The following CEP104 variants were observed in gnomAD, a reference collection of about 807,000 sequenced individuals.
CEP104 encodes the protein centrosomal protein 104.
Under a neutral mutation model 113.3 loss-of-function variants are expected in CEP104, and 84 were observed. The ratio of observed to expected loss-of-function variants is 0.74; its 90% CI spans 0.62 to 0.89. The LOEUF is 0.89. Ranked by LOEUF, CEP104 falls within the 40% of genes least tolerant of loss-of-function variation. The probability of loss-of-function intolerance (pLI) is 0.00; values close to 1 mark genes in which losing one functional copy is unlikely to be tolerated. For missense variants in CEP104, 1,053 were observed against 1,156.6 expected (o/e 0.91, Z 1.30); for synonymous variants, 378 against 421.7 (o/e 0.90, Z 1.27).
At position 3,847,625 on chromosome 1, in the gene CEP104, A is replaced by G. The variant is rs752372721; in HGVS notation, c.288-12T>C. ...AGAGAGACACGTAGCTGAAAAACAAAACACAACTGAAGAATTTGAAAATGT... is the reference window on the plus strand; with the variant it reads ...AGAGAGACACGTAGCTGAAAAACAAGACACAACTGAAGAATTTGAAAATGT... On this transcript the variant is annotated splice_polypyrimidine_tract_variant and intron_variant, in intron 3 of 21. Coordinates refer to ENST00000378230, the MANE Select transcript of CEP104 (RefSeq NM_014704.4). 5.0e-6 allele frequency: 8 copies of G among 1,613,944 alleles called. No individual in the cohort carries two copies. The highest frequency in any genetic ancestry group is 6.8e-6 in the Non-Finnish European group (8 of 1,179,988).
At chr1:3,845,408 C>T in intron 4 of CEP104, 57 bp from the exon 5 acceptor site, 1 of 1,259,986 alleles carries the variant, frequency 7.9e-7, no homozygotes, top group South Asian at 1.2e-5. Flanking sequence ...TGACTTAACC[C>T]TTTTATTTAC....
intron 1 of CEP104, among the ~76,000 whole-genome samples, chr1:3,854,371 T>A (rs1223638817): frequency 1.3e-5 from 2 of 152,194 alleles, no homozygotes; most frequent in East Asian, 1.9e-4. Context: ...AACTCTCCCC[T>A]GACCCTCACT....
At chr1:3,816,455 A>T in intron 20 of CEP104, 85 bp from the exon 21 acceptor site, 1 of 1,182,664 alleles carries the variant, frequency 8.5e-7, no homozygotes. Context: ...TCGCTGTGTA[A>T]GCTGAAAACG....
intron 12 of CEP104, among the ~76,000 whole-genome samples, chr1:3,832,502 GTAGTGTAGGT>G (rs879910374): frequency 0.11 from 12,214 of 111,958 alleles, 2,262 homozygotes; most frequent in Middle Eastern, 0.17. Context: ...GACCAGGAGT[GTAGTGTAGGT>G]CGTGACCAGG....
intron 20 of CEP104, among the ~76,000 whole-genome samples, chr1:3,820,250 A>T (rs771409741): frequency 5.1e-4 from 77 of 152,306 alleles, no homozygotes; most frequent in Middle Eastern, 3.4e-3. Flanking sequence ...GGAGAATGTG[A>T]GTACTGCTCC....
rs1046261355 is a variant in CEP104 at position 3,815,052 on chromosome 1, C to G, written c.*350G>C. On this transcript the variant is annotated 3_prime_UTR_variant, in exon 22 of 22. Transcript: ENST00000378230. ...CTCCAAGCACTAAGGAAAGCGGGAC[C>G]GTGCCTGTGCTGACCGTGGCCTTGC... 1.7e-5 allele frequency: 4 copies of G among 233,252 alleles called. No individual in the cohort carries two copies. Among genetic ancestry groups the G allele is most frequent in the South Asian group, 1.5e-4 (2 of 13,614 alleles). 14.4% of individuals were successfully genotyped at this position (233,252 alleles called of 1,614,324 possible).
At position 3,836,962 on chromosome 1, in the gene CEP104, G is replaced by A. The variant is rs549642619; in HGVS notation, c.1120-270C>T. ...ATTCCACCTCAATGACTGTTTACTG[G>A]TAGCAATTTCAGTTCAACTGACATG... On this transcript the variant is annotated intron_variant, in intron 9 of 21. Coordinates refer to ENST00000378230, the MANE Select transcript of CEP104 (RefSeq NM_014704.4). The A allele has an allele frequency of 9.6e-5, 49 of 508,902 alleles. No homozygotes were observed. The East Asian group carries it at 1.5e-3, about 16-fold the overall frequency. The allele number at this position is 508,902 out of a possible 1,614,324, so 31.5% of individuals were successfully genotyped here.
intron 20 of CEP104, among the ~76,000 whole-genome samples, chr1:3,818,793 G>T (rs953889097): frequency 6.6e-6 from 1 of 152,190 alleles, no homozygotes; most frequent in African/African-American, 2.4e-5. Flanking sequence ...TGTTCACGAT[G>T]CTTAACTCCA....
chr1:3,851,787 C>T (rs1644615761), intron 2 of CEP104, among the ~76,000 whole-genome samples: 2 of 152,226 alleles, frequency 1.3e-5, no homozygotes, highest in African/African-American at 4.8e-5. Context: ...GTAGCTGGGA[C>T]TGCAGGCGGG....
At position 3,839,195 on chromosome 1, in the gene CEP104, T is replaced by C. The variant is rs1173798130; in HGVS notation, c.736-76A>G. On this transcript the variant is annotated intron_variant, in intron 7 of 21. Coordinates refer to ENST00000378230, the MANE Select transcript of CEP104 (RefSeq NM_014704.4). ...CAAATGCAAAGCTAATTTTTAAGAA[T>C]CACGCGTGAACCGTCTTGCAAGGAG... 10 of 1,323,982 alleles carry C rather than the reference T, an allele frequency of 7.6e-6. No homozygotes were observed. In the South Asian group the frequency reaches 1.1e-4, roughly 14 times the overall value. 82.0% of individuals were successfully genotyped at this position (1,323,982 alleles called of 1,614,324 possible).
rs780693566 is a variant in CEP104 at position 3,831,115 on chromosome 1, G to A, written c.1767C>T (p.Gly589=). The change falls in exon 13 of 22, where the codon GGC becomes GGT. Residue 589 remains glycine (G), a synonymous_variant. Transcript: ENST00000378230. ...SSVHLAMSQM[G]LLARLLKDLG... ...GGTCTTTCAGCAGCCGGGCCAGGAG[G>A]CCCATCTGACTCATTGCCAGGTGAA... The A allele has an allele frequency of 4.3e-6, 7 of 1,614,220 alleles. No individual in the cohort carries two copies. The South Asian group carries it at 4.4e-5, about 10-fold the overall frequency.
Position 3,845,113 on chromosome 1 carries a change from T to C in CEP104, c.490-130A>G, listed in dbSNP as rs138737177. 1,405 of 887,402 alleles carry C rather than the reference T, an allele frequency of 1.6e-3. 22 individuals carry two copies. The African/African-American group carries it at 0.017, about 11-fold the overall frequency. 55.0% of individuals were successfully genotyped at this position (887,402 alleles called of 1,614,324 possible). ...GATCCTCATCTTTTGGAGAGACAGCTAAAACTGTTAAAGAAAAGTTTCATA... is the reference window on the plus strand; with the variant it reads ...GATCCTCATCTTTTGGAGAGACAGCCAAAACTGTTAAAGAAAAGTTTCATA... On this transcript the variant is annotated intron_variant, in intron 5 of 21. Coordinates refer to ENST00000378230, the MANE Select transcript of CEP104 (RefSeq NM_014704.4).
chr1:3,838,896 G>A, intron 8 of CEP104, 68 bp downstream of exon 8: 1 of 1,536,304 alleles, frequency 6.5e-7, no homozygotes. Flanking sequence ...ATCCACTGTT[G>A]TGAACCACAC....
Position 3,819,420 on chromosome 1 carries a change from C to T in CEP104, c.2572-3050G>A, listed in dbSNP as rs1362429363. Among the ~76,000 whole-genome samples the T allele has an allele frequency of 6.6e-6, 1 of 152,138 alleles. No homozygotes were observed. The highest frequency in any genetic ancestry group is 2.4e-5 in the African/African-American group (1 of 41,408). ...TGCAGAACCCTGAATACATGAAAAC[C>T]CACTATCTGTCCACGGGGAGAGGCT... On this transcript the variant is annotated intron_variant, in intron 20 of 21. Transcript: ENST00000378230. This position sits in a 1 kb window ranked among gnomAD's most constrained non-coding sequence, Gnocchi z 4.6.
intron 2 of CEP104, among the ~76,000 whole-genome samples, chr1:3,850,555 T>C (rs1644591813): frequency 6.6e-6 from 1 of 152,178 alleles, no homozygotes; most frequent in Non-Finnish European, 1.5e-5. Flanking sequence ...GTGTCTCTCC[T>C]GGAAGTGCAT....
intron 6 of CEP104, chr1:3,843,146 T>C: frequency 1.5e-6 from 1 of 665,946 alleles, no homozygotes; most frequent in Non-Finnish European, 2.7e-6. Context: ...AGCCCTTCCC[T>C]TCTTTCCTTT....
intron 18 of CEP104, among the ~76,000 whole-genome samples, chr1:3,824,711 A>G (rs1459304554): frequency 2.0e-5 from 3 of 151,850 alleles, no homozygotes; most frequent in Non-Finnish European, 4.4e-5. Flanking sequence ...GCCTGCAGAC[A>G]AAAGGACAGG....
chr1:3,821,500 G>A (rs1225760281), intron 20 of CEP104, among the ~76,000 whole-genome samples: 1 of 152,208 alleles, frequency 6.6e-6, no homozygotes, highest in Non-Finnish European at 1.5e-5. Flanking sequence ...CCACAGAGTG[G>A]ACGAGCTTCT....
At chr1:3,837,608 A>C in intron 8 of CEP104, 89 bp from the exon 9 acceptor site, 1 of 1,170,272 alleles carries the variant, frequency 8.5e-7, no homozygotes, top group Non-Finnish European at 1.2e-6. Context: ...AAGACTTTAG[A>C]AAGCTGTGCT....
Sources: gnomAD v4.1 joint callset for allele counts (sites outside exome capture counted in the v4.1 genomes callset) on GRCh38, gnomAD v4.1.1 for gene constraint, Gnocchi (gnomAD v3.1) non-coding constraint, MANE v1.5 for transcripts, NCBI Gene and HGNC (gene_info 2026-07-23, HGNC 2026-07-21) for gene names.